The following SLC24A3 variants were observed in gnomAD, a reference collection of about 807,000 sequenced individuals.
The protein encoded by SLC24A3 is solute carrier family 24 member 3.
In SLC24A3, 28 loss-of-function variants were observed where a neutral mutation model predicts 75.8. The observed-to-expected ratio is 0.37, with a 90% CI of 0.27 to 0.51. The LOEUF (loss-of-function observed/expected upper bound fraction) is 0.51, where lower values mean the gene tolerates loss of function less well. Among genes scored for constraint, SLC24A3 ranks in the 20% least tolerant of loss-of-function variants. The probability of loss-of-function intolerance (pLI) is 0.94; values close to 1 mark genes in which losing one functional copy is unlikely to be tolerated. For synonymous variants in SLC24A3, 372 were observed against 334.1 expected (o/e 1.11, Z -1.24); for missense variants, 663 against 847.8 (o/e 0.78, Z 2.71).
chr20:19,607,329 T>G (rs1291398527), intron 6 of SLC24A3, among the ~76,000 whole-genome samples: 1 of 152,032 alleles, frequency 6.6e-6, no homozygotes, highest in Non-Finnish European at 1.5e-5. Context: ...CCACACCTCC[T>G]TCAAAAGGGA....
chr20:19,229,854 G>A (rs564785705), intron 1 of SLC24A3, among the ~76,000 whole-genome samples: 1 of 151,938 alleles, frequency 6.6e-6, no homozygotes. Flanking sequence ...TGGGTCTGCT[G>A]TCTGCTGCCT....
Position 19,663,420 on chromosome 20 carries a change from T to A in SLC24A3, c.688-2444T>A, listed in dbSNP as rs868709306. Among the ~76,000 whole-genome samples the A allele has an allele frequency of 8.1e-4, 52 of 64,426 alleles. 1 individual carries two copies. Among genetic ancestry groups the A allele is most frequent in the Middle Eastern group, 7.2e-3 (1 of 138 alleles). The allele number at this position is 64,426 out of a possible 152,430, so 42.3% of individuals were successfully genotyped here. A position where few individuals can be genotyped will look rare whatever the true frequency, so the allele number is the denominator to read the frequency against. ...GGCCTCCTCCTCCACCTCCTCCTCC[T>A]CCTCCTCCTCCTCCGCCTTCTCATC... is the stretch of plus-strand genomic sequence containing the variant. On this transcript the variant is annotated intron_variant, in intron 7 of 16. Transcript: ENST00000328041.
At chr20:19,665,632 A>G (rs1330711987) in intron 7 of SLC24A3, among the ~76,000 whole-genome samples, 1 of 152,162 alleles carries the variant, frequency 6.6e-6, no homozygotes, top group East Asian at 1.9e-4. Flanking sequence ...TTTTCCACAC[A>G]TGCCCACCCT....
At chr20:19,454,084 G>C (rs79021455) in intron 2 of SLC24A3, among the ~76,000 whole-genome samples, 2,286 of 152,314 alleles carry the variant, frequency 0.015, 58 homozygotes, top group African/African-American at 0.052. Flanking sequence ...TCAGGAGGCA[G>C]ACATGCTGGG....
intron 2 of SLC24A3, among the ~76,000 whole-genome samples, chr20:19,491,892 A>AT (rs1988214339): frequency 6.6e-6 from 1 of 152,006 alleles, no homozygotes; most frequent in African/African-American, 2.4e-5. Context: ...GCTTGCAAAC[A>AT]CCTTCCTCCA....
At chr20:19,564,350 G>T (rs1472192434) in intron 3 of SLC24A3, among the ~76,000 whole-genome samples, 1 of 152,142 alleles carries the variant, frequency 6.6e-6, no homozygotes, top group African/African-American at 2.4e-5. Context: ...AAACAGGATT[G>T]AAGTCCCATC....
At chr20:19,325,787 TATATATATAGAGAGAGAGAG>T (rs1984836780) in intron 2 of SLC24A3, among the ~76,000 whole-genome samples, 2 of 95,360 alleles carry the variant, frequency 2.1e-5, no homozygotes, top group African/African-American at 7.7e-5. Context: ...CATATATATA[TATATATATAGAGAGAGAGAG>T]AGAGAGAGAG....
chr20:19,693,488 G>A, intron 13 of SLC24A3, 63 bp downstream of exon 13: 1 of 1,578,294 alleles, frequency 6.3e-7, no homozygotes, highest in Admixed American at 1.8e-5. Context: ...AAGGGAATAA[G>A]AGTCAGGGTT....
intron 3 of SLC24A3, among the ~76,000 whole-genome samples, chr20:19,568,007 A>G (rs903665282): frequency 6.6e-6 from 1 of 152,226 alleles, no homozygotes; most frequent in African/African-American, 2.4e-5. Context: ...AAAATGATAT[A>G]TAAATAGCCA....
At chr20:19,696,594 TATTACA>T (rs1432364355) in intron 13 of SLC24A3, 197 bp from the exon 14 acceptor site, 2 of 466,114 alleles carry the variant, frequency 4.3e-6, no homozygotes, top group African/African-American at 3.9e-5. Context: ...GTTTGGGTCC[TATTACA>T]GCACCGTCCC....
intron 2 of SLC24A3, among the ~76,000 whole-genome samples, chr20:19,422,247 T>C (rs1986929727): frequency 6.6e-6 from 1 of 152,134 alleles, no homozygotes; most frequent in Admixed American, 6.5e-5. Context: ...TTGGCCACAG[T>C]GCTGTGCTTG....
At chr20:19,274,376 T>C in intron 1 of SLC24A3, among the ~76,000 whole-genome samples, 1 of 152,088 alleles carries the variant, frequency 6.6e-6, no homozygotes, top group Non-Finnish European at 1.5e-5. Context: ...TTCCCTTCTC[T>C]GACTTTCTGG....
chr20:19,520,768 CT>C (rs919089170), intron 3 of SLC24A3, among the ~76,000 whole-genome samples: 2 of 152,190 alleles, frequency 1.3e-5, no homozygotes, highest in African/African-American at 4.8e-5. Context: ...TCTTCCTCCC[CT>C]GGACCCAGGG....
chr20:19,675,668 G>A (rs1317825037), intron 9 of SLC24A3, among the ~76,000 whole-genome samples: 1 of 152,126 alleles, frequency 6.6e-6, no homozygotes, highest in Non-Finnish European at 1.5e-5. Context: ...GTACCATAAG[G>A]TAACTAATGA....
intron 6 of SLC24A3, among the ~76,000 whole-genome samples, chr20:19,637,103 C>T (rs1047638951): frequency 2.0e-5 from 3 of 152,020 alleles, no homozygotes; most frequent in Non-Finnish European, 2.9e-5. Flanking sequence ...ATTCAAGATC[C>T]GCCTGGCCAA....
chr20:19,539,879 C>T (rs1475047474), intron 3 of SLC24A3, among the ~76,000 whole-genome samples: 1 of 152,134 alleles, frequency 6.6e-6, no homozygotes, highest in Admixed American at 6.5e-5. Flanking sequence ...CCTAGCATGC[C>T]TGTGTGTTCA....
intron 2 of SLC24A3, among the ~76,000 whole-genome samples, chr20:19,373,613 T>C (rs1986028013): frequency 6.6e-6 from 1 of 152,186 alleles, no homozygotes; most frequent in African/African-American, 2.4e-5. Context: ...GATTTATATA[T>C]TCTGACTTAG....
chr20:19,528,681 T>C (rs1428082515), intron 3 of SLC24A3, among the ~76,000 whole-genome samples: 1 of 152,162 alleles, frequency 6.6e-6, no homozygotes, highest in Non-Finnish European at 1.5e-5. Flanking sequence ...ATTAGCACTC[T>C]GATTGCTGCT....
chr20:19,369,117 T>C (rs1985946634), intron 2 of SLC24A3, among the ~76,000 whole-genome samples: 1 of 152,258 alleles, frequency 6.6e-6, no homozygotes, highest in Admixed American at 6.5e-5. Flanking sequence ...ATAGGATGTT[T>C]ACATAGTTTC....
Sources: allele counts gnomAD v4.1 joint callset (sites outside exome capture counted in the v4.1 genomes callset), GRCh38; gene constraint gnomAD v4.1.1; transcripts MANE v1.5; gene names NCBI Gene and HGNC (gene_info 2026-07-23, HGNC 2026-07-21).